Variants in ADGRL3 observed in about 807,000 individuals in gnomAD.
ADGRL3 encodes the protein calcium-independent alpha-latrotoxin receptor 3.
ADGRL3 carries 62 observed loss-of-function variants against 153.5 expected under a neutral mutation model. That is an observed-to-expected ratio of 0.40 (90% CI 0.33 to 0.50). The LOEUF (loss-of-function observed/expected upper bound fraction) is 0.50. Among genes scored for constraint, ADGRL3 ranks in the 20% least tolerant of loss-of-function variants. The probability of loss-of-function intolerance (pLI) is 0.47; values close to 1 mark genes in which losing one functional copy is unlikely to be tolerated. For synonymous variants in ADGRL3, 710 were observed against 672.5 expected, an observed-to-expected ratio of 1.06 and a Z score of -0.86; for missense variants, 1,641 against 1,859.4, an observed-to-expected ratio of 0.88 and a Z score of 2.16.
intron 2 of ADGRL3, among the ~76,000 whole-genome samples, chr4:61,396,271 A>G (rs1449120784): frequency 1.3e-5 from 2 of 151,922 alleles, no homozygotes; most frequent in Non-Finnish European, 2.9e-5. Flanking sequence ...CATTATTTAT[A>G]TTTATGTTTA....
At chr4:61,767,712 G>T (rs1013534096) in intron 8 of ADGRL3, among the ~76,000 whole-genome samples, 1 of 152,144 alleles carries the variant, frequency 6.6e-6, no homozygotes, top group Non-Finnish European at 1.5e-5. Context: ...CTGGGCTGCG[G>T]GTGTTCCTTG....
At chr4:61,925,015 T>C (rs780906900) in intron 13 of ADGRL3, among the ~76,000 whole-genome samples, 8 of 152,216 alleles carry the variant, frequency 5.3e-5, no homozygotes, top group Non-Finnish European at 1.2e-4. Flanking sequence ...ATATGTTAAG[T>C]GCTCAAGAAA....
At chr4:61,581,815 CA>C (rs1386527636) in intron 4 of ADGRL3, among the ~76,000 whole-genome samples, 2 of 152,092 alleles carry the variant, frequency 1.3e-5, no homozygotes, top group Non-Finnish European at 2.9e-5. Flanking sequence ...CCTTACCTTA[CA>C]TGTTCAGTCA....
At chr4:61,755,074 A>C (rs924206579) in intron 8 of ADGRL3, among the ~76,000 whole-genome samples, 1 of 152,174 alleles carries the variant, frequency 6.6e-6, no homozygotes, top group Non-Finnish European at 1.5e-5. Context: ...TGCTGCAATA[A>C]ACATATGTGT....
intron 1 of ADGRL3, among the ~76,000 whole-genome samples, chr4:61,234,507 A>G (rs1752052490): frequency 6.6e-6 from 1 of 152,126 alleles, no homozygotes; most frequent in Non-Finnish European, 1.5e-5. Context: ...GACCAAGTAT[A>G]TGGTTTAAAT....
At chr4:61,227,209 C>CT (rs1036613219) in intron 1 of ADGRL3, among the ~76,000 whole-genome samples, 2 of 151,392 alleles carry the variant, frequency 1.3e-5, no homozygotes, top group African/African-American at 4.9e-5. Context: ...TGGCACCTCA[C>CT]TTTTTTTTTC....
intron 8 of ADGRL3, among the ~76,000 whole-genome samples, chr4:61,807,676 T>C (rs528034544): frequency 6.6e-6 from 1 of 152,294 alleles, no homozygotes; most frequent in South Asian, 2.1e-4. Flanking sequence ...AAATTCATTT[T>C]CAAAATGTAT....
intron 4 of ADGRL3, among the ~76,000 whole-genome samples, chr4:61,548,902 T>G (rs1238981163): frequency 6.6e-6 from 1 of 151,970 alleles, no homozygotes; most frequent in African/African-American, 2.4e-5. Flanking sequence ...ATAGGAATAG[T>G]GTTGAATCTG....
intron 4 of ADGRL3, among the ~76,000 whole-genome samples, chr4:61,550,998 G>A (rs979233715): frequency 6.6e-6 from 1 of 152,084 alleles, no homozygotes; most frequent in Middle Eastern, 3.2e-3. Flanking sequence ...GCTTGTATGT[G>A]TATGTGTGTG....
At chr4:61,583,139 C>T (rs568249993) in intron 4 of ADGRL3, among the ~76,000 whole-genome samples, 1 of 152,114 alleles carries the variant, frequency 6.6e-6, no homozygotes, top group East Asian at 1.9e-4. Context: ...TGTTTTGTCC[C>T]ATAATTTCAT....
chr4:61,304,794 T>C (rs967082177), intron 1 of ADGRL3, among the ~76,000 whole-genome samples: 6 of 152,174 alleles, frequency 3.9e-5, no homozygotes, highest in Admixed American at 1.3e-4. Context: ...TAAATGAGTG[T>C]TACTCATGTA....
chr4:61,381,783 A>T (rs926089080), intron 1 of ADGRL3, among the ~76,000 whole-genome samples: 2 of 152,110 alleles, frequency 1.3e-5, no homozygotes, highest in East Asian at 3.9e-4. Context: ...TTGAGAGAGC[A>T]TGCTAGAATG....
chr4:61,376,392 GT>G (rs34714371), intron 1 of ADGRL3, among the ~76,000 whole-genome samples: 101 of 149,280 alleles, frequency 6.8e-4, no homozygotes, highest in African/African-American at 2.0e-3. Flanking sequence ...GTTAAATGCT[GT>G]TTTTTTTTTA....
In ADGRL3 at chr4:61,972,516, A is replaced by T. The variant is rs189364262; in HGVS notation, c.2806-7047A>T. On this transcript the variant is annotated intron_variant, in intron 17 of 26. Coordinates refer to ENST00000683033, the MANE Select transcript of ADGRL3 (RefSeq NM_001387552.1). ...GGCTCTGTTCTGTTCCATTGATCTA[A>T]ATCTCTGTTTTGGTAGCTGTACCAT... Among the ~76,000 whole-genome samples, 1,230 of 152,008 alleles carry T rather than the reference A, an allele frequency of 8.1e-3. 11 individuals are homozygous for T. The highest frequency in any genetic ancestry group is 0.014 in the Non-Finnish European group (929 of 67,950).
At chr4:61,977,882 G>C (rs1311692421) in intron 17 of ADGRL3, among the ~76,000 whole-genome samples, 1 of 152,018 alleles carries the variant, frequency 6.6e-6, no homozygotes, top group Non-Finnish European at 1.5e-5. Context: ...GGGTATGAAT[G>C]ATCCCATTAC....
chr4:61,329,798 C>T (rs1174486020), intron 1 of ADGRL3, among the ~76,000 whole-genome samples: 1 of 152,080 alleles, frequency 6.6e-6, no homozygotes, highest in Non-Finnish European at 1.5e-5. Flanking sequence ...TTAATATAAA[C>T]AATGCTGTGG....
Position 61,817,162 on chromosome 4 carries a change from C to G in ADGRL3, c.1480+3273C>G, listed in dbSNP as rs1010921280. 4.9e-5 allele frequency among the ~76,000 whole-genome samples: 7 copies of G among 142,988 alleles called. No homozygotes were observed. The East Asian group carries it at 8.3e-4, about 17-fold the overall frequency. 93.8% of individuals were successfully genotyped at this position (142,988 alleles called of 152,430 possible). The stretch of plus-strand genomic sequence containing the variant: ...ACAGGTCTGCAGACCCCCCCCCCCC[C>G]ACCAAGGCATGAAAACCCTGGGCAC... On this transcript the variant is annotated intron_variant, in intron 9 of 26. Transcript: ENST00000683033.
At chr4:61,654,229 C>A (rs1358135337) in intron 5 of ADGRL3, among the ~76,000 whole-genome samples, 3 of 151,978 alleles carry the variant, frequency 2.0e-5, no homozygotes, top group Non-Finnish European at 4.4e-5. Flanking sequence ...TTTGTAATAT[C>A]TCTGATAGTG....
intron 1 of ADGRL3, among the ~76,000 whole-genome samples, chr4:61,270,517 G>A (rs6842278): frequency 0.99 from 150,039 of 151,794 alleles, 74,177 homozygotes; most frequent in East Asian, 1. Context: ...TATCTGTCTA[G>A]TCAAAAAAGG....
Sources: allele counts gnomAD v4.1 joint callset (sites outside exome capture counted in the v4.1 genomes callset), GRCh38; gene constraint gnomAD v4.1.1; transcripts MANE v1.5; gene names NCBI Gene and HGNC (gene_info 2026-07-23, HGNC 2026-07-21).